The following EBF4 variants were observed in gnomAD, a reference collection of about 807,000 sequenced individuals.
EBF4 encodes the protein transcription factor COE4.
Under a neutral mutation model 67.1 loss-of-function variants are expected in EBF4, and 34 were observed. That is an observed-to-expected ratio of 0.51 (90% CI 0.39 to 0.67). The LOEUF (loss-of-function observed/expected upper bound fraction) is 0.67, where lower values mean the gene tolerates loss of function less well. Among genes scored for constraint, EBF4 ranks in the 30% least tolerant of loss-of-function variants. The pLI is 0.00. For synonymous variants in EBF4, 387 were observed against 377.7 expected, an observed-to-expected ratio of 1.02 and a Z score of -0.29; for missense variants, 837 against 873.3, an observed-to-expected ratio of 0.96 and a Z score of 0.52.
Position 2,747,621 on chromosome 20 carries a change from TG to T in EBF4, c.558-926del, listed in dbSNP as rs752167615. Among the ~76,000 whole-genome samples, 1 of 152,200 alleles carries T rather than the reference TG, an allele frequency of 6.6e-6. No individual in the cohort carries two copies. Among genetic ancestry groups the T allele is most frequent in the Non-Finnish European group, 1.5e-5 (1 of 68,038 alleles). On this transcript the variant is annotated intron_variant, in intron 6 of 16. Transcript: ENST00000609451. This position sits in a 1 kb window ranked among gnomAD's most constrained non-coding sequence, Gnocchi z 4.6. Reference sequence around the variant, plus strand: ...GATTAAGCTTTTCCTATGTGTATAATGGATATAAAATGTGTGGGAGGAGGAT... The same window carrying T: ...GATTAAGCTTTTCCTATGTGTATAATGATATAAAATGTGTGGGAGGAGGAT...
At chr20:2,731,889 T>G (rs1202379082) in intron 6 of EBF4, among the ~76,000 whole-genome samples, 1 of 152,198 alleles carries the variant, frequency 6.6e-6, no homozygotes, top group Non-Finnish European at 1.5e-5. Context: ...ACCTCACCTT[T>G]CACTTGCCAC....
At chr20:2,737,913 C>T (rs1365953870) in intron 6 of EBF4, among the ~76,000 whole-genome samples, 1 of 150,532 alleles carries the variant, frequency 6.6e-6, no homozygotes, top group South Asian at 2.1e-4. Flanking sequence ...TGCAGTGAGC[C>T]GAGATCGCGC....
chr20:2,704,760 C>T (rs956297841), intron 1 of EBF4, among the ~76,000 whole-genome samples: 3 of 152,264 alleles, frequency 2.0e-5, no homozygotes, highest in African/African-American at 7.2e-5. Flanking sequence ...TCTGTCTCCC[C>T]TCTTCCAGGC....
At chr20:2,699,153 C>T (rs1185384373) in intron 1 of EBF4, among the ~76,000 whole-genome samples, 1 of 152,146 alleles carries the variant, frequency 6.6e-6, no homozygotes, top group East Asian at 1.9e-4. Flanking sequence ...TCTCCCGGGA[C>T]CTGCTGGGCA....
chr20:2,754,416 C>A (rs762933156), intron 14 of EBF4, among the ~76,000 whole-genome samples: 4 of 152,140 alleles, frequency 2.6e-5, no homozygotes. Flanking sequence ...AAAATGTGGC[C>A]GTGAGCCCTG....
intron 6 of EBF4, 146 bp from the exon 7 acceptor site, chr20:2,748,403 C>A: frequency 1.4e-6 from 1 of 719,774 alleles, no homozygotes; most frequent in Non-Finnish European, 2.3e-6. Flanking sequence ...ATATGGAGGC[C>A]ATGATGGGAA....
intron 2 of EBF4, 103 bp from the exon 3 acceptor site, chr20:2,705,871 T>C: frequency 1.3e-6 from 2 of 1,485,104 alleles, no homozygotes; most frequent in Middle Eastern, 1.8e-4. Flanking sequence ...GCTGGCTGAG[T>C]GGCTGGAAGG....
In EBF4 at chr20:2,751,690, C is replaced by G; in HGVS notation, c.1019-10C>G. The G allele has an allele frequency of 6.4e-7, 1 of 1,550,700 alleles. No homozygotes were observed. Among genetic ancestry groups the G allele is most frequent in the Non-Finnish European group, 8.7e-7 (1 of 1,146,812 alleles). On this transcript the variant is annotated splice_polypyrimidine_tract_variant and intron_variant, in intron 10 of 16. Coordinates refer to ENST00000609451, the Ensembl canonical transcript of EBF4. The surrounding 1 kb of genome is among the most constrained non-coding windows in gnomAD (Gnocchi z 5.2). The stretch of plus-strand genomic sequence containing the variant: ...GGGAGACGTCCTCCAAACGCCGCCC[C>G]CTTCCCCAGCTCTGAACGAGCCCAC...
chr20:2,708,313 A>G (rs772825568), intron 5 of EBF4, among the ~76,000 whole-genome samples: 4 of 152,128 alleles, frequency 2.6e-5, no homozygotes, highest in Non-Finnish European at 5.9e-5. Flanking sequence ...AGCTCAGGGG[A>G]GGGCTGCTGG....
Position 2,707,426 on chromosome 20 carries a change from G to A in EBF4, c.415-521G>A, listed in dbSNP as rs1291891026. ...AGGGGAAGACCGAGCCTGGGCTAGGGATGGTATGGGGGAAGAGGCGATAGT... is the reference window on the plus strand; with the variant it reads ...AGGGGAAGACCGAGCCTGGGCTAGGAATGGTATGGGGGAAGAGGCGATAGT... On this transcript the variant is annotated intron_variant, in intron 4 of 16. Transcript: ENST00000609451. This position sits in a 1 kb window ranked among gnomAD's most constrained non-coding sequence, Gnocchi z 4.6. Among the ~76,000 whole-genome samples the A allele has an allele frequency of 2.6e-5, 4 of 152,192 alleles. No homozygotes were observed. Among genetic ancestry groups the A allele is most frequent in the African/African-American group, 9.7e-5 (4 of 41,424 alleles).
intron 6 of EBF4, among the ~76,000 whole-genome samples, chr20:2,737,250 CAAA>C (rs777580766): frequency 4.4e-5 from 5 of 114,872 alleles, no homozygotes; most frequent in Non-Finnish European, 3.7e-5. Context: ...AACTCCGTCT[CAAA>C]AAAAAAAAAA....
chr20:2,758,506 A>G (rs1415271681), intron 15 of EBF4, among the ~76,000 whole-genome samples: 1 of 152,108 alleles, frequency 6.6e-6, no homozygotes, highest in Non-Finnish European at 1.5e-5. Context: ...GGAGTGGTGG[A>G]GTGACAAACT....
At chr20:2,712,038 A>G (rs1391848961) in intron 6 of EBF4, among the ~76,000 whole-genome samples, 2 of 152,196 alleles carry the variant, frequency 1.3e-5, no homozygotes, top group African/African-American at 4.8e-5. Context: ...CAAGGAAGGT[A>G]GTAGGAGGAA....
In EBF4 at chr20:2,749,754, G is replaced by A; in HGVS notation, c.891+1G>A. The A allele has an allele frequency of 7.2e-6, 11 of 1,532,242 alleles. No individual in the cohort carries two copies. The highest frequency in any genetic ancestry group is 2.4e-5 in the East Asian group (1 of 40,856). 94.9% of individuals were successfully genotyped at this position (1,532,242 alleles called of 1,614,324 possible). ...CGGAAACGTGCTCGTGTGGAGCGAGGTGGGCCAACCCCGCCAGTCTCCCTC... is the reference window on the plus strand; with the variant it reads ...CGGAAACGTGCTCGTGTGGAGCGAGATGGGCCAACCCCGCCAGTCTCCCTC... On this transcript the variant is annotated splice_donor_variant, in intron 9 of 16. Coordinates refer to ENST00000609451, the Ensembl canonical transcript of EBF4. LOFTEE classifies it high-confidence loss of function.
At chr20:2,744,474 TTTTTCTTTTTTTCTTTTC>T (rs1047248349) in intron 6 of EBF4, among the ~76,000 whole-genome samples, 20 of 130,178 alleles carry the variant, frequency 1.5e-4, no homozygotes, top group African/African-American at 6.4e-4. Context: ...TTTCTTTTCT[TTTTTCTTTTTTTCTTTTC>T]TTTTTTTTTT....
Position 2,755,429 on chromosome 20 carries a change from C to G in EBF4, c.1541-198C>G, listed in dbSNP as rs983077194. The G allele has an allele frequency of 1.0e-5, 6 of 575,612 alleles. No homozygotes were observed. Among genetic ancestry groups the G allele is most frequent in the Admixed American group, 3.1e-5 (1 of 31,862 alleles). 35.7% of individuals were successfully genotyped at this position (575,612 alleles called of 1,614,324 possible). On this transcript the variant is annotated intron_variant, in intron 14 of 16. Transcript: ENST00000609451. The surrounding 1 kb of genome is among the most constrained non-coding windows in gnomAD (Gnocchi z 4.7). ...GGTCTGGCCCTGTCATCCCCAGCCC[C>G]GAGAAAAGGTCTCCAGAACCGCTGA... is the stretch of plus-strand genomic sequence containing the variant.
At chr20:2,749,482 C>T (rs755240734) in exon 8 of EBF4, 10 of 1,548,664 alleles carry the variant, frequency 6.5e-6, no homozygotes, top group Non-Finnish European at 8.7e-6. Context: ...CAACTCCAAG[C>T]ATGGCCGCAG....
chr20:2,758,780 C>A, intron 15 of EBF4, 129 bp from the exon 16 acceptor site: 1 of 789,914 alleles, frequency 1.3e-6, no homozygotes, highest in Admixed American at 2.1e-5. Context: ...TGGGCCAGGG[C>A]TAGGGATGGC....
At chr20:2,750,074 A>G in intron 10 of EBF4, 101 bp downstream of exon 10, 2 of 1,443,742 alleles carry the variant, frequency 1.4e-6, no homozygotes, top group South Asian at 1.4e-5. Context: ...GCCGAGCTCT[A>G]CGCTGTGGCC....
Sources: allele counts gnomAD v4.1 joint callset (sites outside exome capture counted in the v4.1 genomes callset), GRCh38; gene constraint gnomAD v4.1.1; non-coding constraint Gnocchi (gnomAD v3.1); transcripts MANE v1.5; gene names NCBI Gene and HGNC (gene_info 2026-07-23, HGNC 2026-07-21).